MUSK: variants seen among roughly 807,000 people sequenced by gnomAD.
The protein encoded by MUSK is muscle associated receptor tyrosine kinase, also known as muscle, skeletal receptor tyrosine-protein kinase.
MUSK carries 55 observed loss-of-function variants against 88.7 expected under a neutral mutation model. The ratio of observed to expected loss-of-function variants is 0.62; its 90% CI spans 0.50 to 0.78. The LOEUF (loss-of-function observed/expected upper bound fraction) is 0.78. Among genes scored for constraint, MUSK ranks in the 30% least tolerant of loss-of-function variants. The pLI is 0.00. For missense variants in MUSK, 1,015 were observed against 1,074.3 expected (o/e 0.94, Z 0.77); for synonymous variants, 387 against 391.9 (o/e 0.99, Z 0.15).
intron 6 of MUSK, among the ~76,000 whole-genome samples, chr9:110,735,788 G>A (rs1313033208): frequency 6.6e-6 from 1 of 152,068 alleles, no homozygotes; most frequent in Non-Finnish European, 1.5e-5. Context: ...TACAATCATG[G>A]CAGAAAGCAA....
intron 1 of MUSK, among the ~76,000 whole-genome samples, chr9:110,677,853 T>C (rs2076051756): frequency 6.6e-6 from 1 of 152,210 alleles, no homozygotes; most frequent in Non-Finnish European, 1.5e-5. Context: ...TACTGCCTTT[T>C]TGACTGTGAT....
intron 5 of MUSK, among the ~76,000 whole-genome samples, chr9:110,713,227 T>C (rs1402415673): frequency 1.3e-5 from 2 of 151,502 alleles, no homozygotes; most frequent in African/African-American, 4.8e-5. Context: ...AACATGGAGA[T>C]CATCTTCTTG....
At chr9:110,761,712 T>C (rs2077403827) in intron 7 of MUSK, among the ~76,000 whole-genome samples, 1 of 151,610 alleles carries the variant, frequency 6.6e-6, no homozygotes, top group Admixed American at 6.6e-5. Context: ...CGTAGCGGGA[T>C]TACAGGCGCC....
intron 14 of MUSK, among the ~76,000 whole-genome samples, chr9:110,789,211 G>A (rs1345515764): frequency 2.0e-5 from 3 of 152,242 alleles, no homozygotes; most frequent in Non-Finnish European, 4.4e-5. Context: ...CAGTAAACAG[G>A]TATTGCAATG....
intron 1 of MUSK, 71 bp downstream of exon 1, chr9:110,669,054 C>G: frequency 7.6e-7 from 1 of 1,318,438 alleles, no homozygotes; most frequent in Non-Finnish European, 1.1e-6. Flanking sequence ...GAGATATGAC[C>G]AAGACTGATT....
intron 3 of MUSK, among the ~76,000 whole-genome samples, chr9:110,690,631 TATAAATATATATATTTAAATATA>T (rs1564220702): frequency 0.011 from 127 of 11,146 alleles, 59 homozygotes; most frequent in Non-Finnish European, 0.013. Flanking sequence ...TAAGTATATA[TATAAATATATATATTTAAATATA>T]AGTATATATA....
rs1321879343 is a variant in MUSK at position 110,675,482 on chromosome 9, A to G, written c.79+6499A>G. Among the ~76,000 whole-genome samples, 3 of 150,354 alleles carry G rather than the reference A, an allele frequency of 2.0e-5. No individual in the cohort carries two copies. In the East Asian group the frequency reaches 5.8e-4, roughly 29 times the overall value. The stretch of plus-strand genomic sequence containing the variant: ...GTGATCCGCCCGCCTCGGCCTCTCA[A>G]AGTGCTAGGATTACAGGCGTGAGCC... On this transcript the variant is annotated intron_variant, in intron 1 of 14. Transcript: ENST00000374448.
In MUSK at chr9:110,775,764, T is replaced by A. The variant is rs376856980; in HGVS notation, c.1185-24T>A. 100 of 1,610,944 alleles carry A rather than the reference T, an allele frequency of 6.2e-5. No homozygotes were observed. The highest frequency in any genetic ancestry group is 5.0e-4 in the Middle Eastern group (3 of 6,030). On this transcript the variant is annotated intron_variant, in intron 9 of 14. Coordinates refer to ENST00000374448, the MANE Select transcript of MUSK (RefSeq NM_005592.4). Reference sequence around the variant, plus strand: ...TTTAACATGTAATGATTCATCAAGTTTTGTTCTCCATATACTATTTTAGAG... The same window carrying A: ...TTTAACATGTAATGATTCATCAAGTATTGTTCTCCATATACTATTTTAGAG...
intron 13 of MUSK, 113 bp downstream of exon 13, chr9:110,785,831 C>T (rs916703680): frequency 1.0e-4 from 48 of 476,406 alleles, no homozygotes; most frequent in South Asian, 1.6e-4. Flanking sequence ...TATACACACA[C>T]ATATATATAT....
intron 3 of MUSK, among the ~76,000 whole-genome samples, chr9:110,689,152 T>C (rs1194359329): frequency 3.2e-5 from 4 of 125,742 alleles, no homozygotes; most frequent in African/African-American, 1.3e-4. Context: ...TATATATTTA[T>C]ATAAAATATA....
chr9:110,806,459 C>T lies in MUSK; in HGVS notation c.*5471C>T, dbSNP rs914996128. On this transcript the variant is annotated 3_prime_UTR_variant, in exon 15 of 15. Coordinates refer to ENST00000374448, the MANE Select transcript of MUSK (RefSeq NM_005592.4). ...CATTTCTATGAATCTGTAATATTTG[C>T]ATTTTGTTCTGGAACAAATTAAGAT... Among the ~76,000 whole-genome samples the T allele has an allele frequency of 2.0e-5, 3 of 152,112 alleles. No homozygotes were observed. The highest frequency in any genetic ancestry group is 4.8e-5 in the African/African-American group (2 of 41,438).
At chr9:110,741,117 A>C (rs1481126789) in intron 6 of MUSK, among the ~76,000 whole-genome samples, 1 of 152,136 alleles carries the variant, frequency 6.6e-6, no homozygotes, top group Non-Finnish European at 1.5e-5. Flanking sequence ...ATTTGCTAAG[A>C]GGGTAGATCC....
At chr9:110,702,968 C>T (rs1384146120) in intron 5 of MUSK, among the ~76,000 whole-genome samples, 1 of 151,482 alleles carries the variant, frequency 6.6e-6, no homozygotes, top group Non-Finnish European at 1.5e-5. Flanking sequence ...CACACACACA[C>T]AAAACATTGG....
intron 7 of MUSK, among the ~76,000 whole-genome samples, chr9:110,753,218 G>A (rs183670470): frequency 1.9e-3 from 284 of 152,268 alleles, no homozygotes; most frequent in Middle Eastern, 3.4e-3. Context: ...ATCACCTGAA[G>A]TCAGGAGTTC....
At chr9:110,766,326 C>T (rs2077485132) in intron 8 of MUSK, among the ~76,000 whole-genome samples, 1 of 152,140 alleles carries the variant, frequency 6.6e-6, no homozygotes, top group Non-Finnish European at 1.5e-5. Flanking sequence ...ACAACAGCAT[C>T]CTTGTTTCTG....
intron 6 of MUSK, among the ~76,000 whole-genome samples, chr9:110,738,835 A>G (rs775161551): frequency 1.3e-5 from 2 of 152,164 alleles, no homozygotes; most frequent in Non-Finnish European, 2.9e-5. Flanking sequence ...TTCAGAAATC[A>G]GGGAACATTA....
chr9:110,686,799 G>C (rs2076201852), intron 2 of MUSK, among the ~76,000 whole-genome samples: 1 of 152,068 alleles, frequency 6.6e-6, no homozygotes, highest in East Asian at 1.9e-4. Context: ...AACTTATTGG[G>C]AGAAGACACC....
rs78763344 is a variant in MUSK, at chr9:110,763,739, A to C, written c.920+1531A>C. 9.2e-3 allele frequency among the ~76,000 whole-genome samples: 1,398 copies of C among 152,248 alleles called. 6 individuals carry two copies. The highest frequency in any genetic ancestry group is 0.012 in the Non-Finnish European group (822 of 68,014). On this transcript the variant is annotated intron_variant, in intron 8 of 14. Coordinates refer to ENST00000374448, the MANE Select transcript of MUSK (RefSeq NM_005592.4). The stretch of plus-strand genomic sequence containing the variant: ...AAGTAAGGTGTGGAGTTTCCACTAG[A>C]GTCTTGGGGTTGTCATAACACAAAC...
rs76986452 is a variant in MUSK at position 110,671,915 on chromosome 9, T to C, written c.79+2932T>C. Among the ~76,000 whole-genome samples, 863 of 152,304 alleles carry C rather than the reference T, an allele frequency of 5.7e-3. 7 individuals are homozygous for C. The highest frequency in any genetic ancestry group is 0.01 in the Non-Finnish European group (681 of 68,022). On this transcript the variant is annotated intron_variant, in intron 1 of 14. Transcript: ENST00000374448. The stretch of plus-strand genomic sequence containing the variant: ...TTTCAAAACACCCGACTTACTACAA[T>C]ACGTTGAAGTGTTTGAGCGTACGTG...
Sources: allele counts gnomAD v4.1 joint callset (sites outside exome capture counted in the v4.1 genomes callset), GRCh38; gene constraint gnomAD v4.1.1; transcripts MANE v1.5; gene names NCBI Gene and HGNC (gene_info 2026-07-23, HGNC 2026-07-21).